The following CENPW variants were observed in gnomAD, a reference collection of about 807,000 sequenced individuals.
CENPW encodes cancer-up-regulated gene 2 protein.
A neutral mutation model predicts 11.1 loss-of-function variants in CENPW; 3 were observed. That is an observed-to-expected ratio of 0.27 (90% CI 0.12 to 0.70). The LOEUF is 0.70. Among genes scored for constraint, CENPW ranks in the 30% least tolerant of loss-of-function variants. CENPW has a pLI of 0.77. For synonymous variants in CENPW, 38 were observed against 42.0 expected (o/e 0.91, Z 0.37); for missense variants, 100 against 105.6 (o/e 0.95, Z 0.23).
At chr6:126,390,599 A>T in the CENPW span, among the ~76,000 whole-genome samples, 1 of 151,586 alleles carries the variant, frequency 6.6e-6, no homozygotes, top group Non-Finnish European at 1.5e-5. Flanking sequence ...AATCATCCCC[A>T]CTTCCCCTAC....
At chr6:126,366,295 T>C in the CENPW span, among the ~76,000 whole-genome samples, 2 of 152,216 alleles carry the variant, frequency 1.3e-5, no homozygotes, top group African/African-American at 4.8e-5. Context: ...ATATATTTTA[T>C]TAGCTTTTTT....
chr6:126,411,666 C>T, the CENPW span, among the ~76,000 whole-genome samples: 2 of 152,014 alleles, frequency 1.3e-5, no homozygotes, highest in African/African-American at 4.8e-5. Context: ...CTCTGGGGTA[C>T]AGGGCACAGC....
the CENPW span, among the ~76,000 whole-genome samples, chr6:126,370,800 T>TGG: frequency 2.1e-4 from 32 of 152,042 alleles, no homozygotes; most frequent in Admixed American, 3.9e-4. Context: ...TCACCCAGGC[T>TGG]GGAGTGCAGT....
At chr6:126,442,070 CAG>C in the CENPW span, among the ~76,000 whole-genome samples, 1 of 151,666 alleles carries the variant, frequency 6.6e-6, no homozygotes, top group Non-Finnish European at 1.5e-5. Flanking sequence ...TTCCCACTAA[CAG>C]TGTAAAAGTG....
At chr6:126,360,942 C>G in the CENPW span, among the ~76,000 whole-genome samples, 4 of 152,106 alleles carry the variant, frequency 2.6e-5, no homozygotes, top group Non-Finnish European at 4.4e-5. Context: ...GGTTATGAAC[C>G]ATTCCTGGGG....
At chr6:126,408,797 T>G in the CENPW span, among the ~76,000 whole-genome samples, 1 of 152,160 alleles carries the variant, frequency 6.6e-6, no homozygotes, top group African/African-American at 2.4e-5. Context: ...AATAATCCTT[T>G]GTATTTCTGT....
the CENPW span, among the ~76,000 whole-genome samples, chr6:126,391,537 C>A: frequency 1.3e-5 from 2 of 151,648 alleles, no homozygotes; most frequent in African/African-American, 4.8e-5. Flanking sequence ...TACTCAAAAG[C>A]CTTTGCCCAT....
the CENPW span, among the ~76,000 whole-genome samples, chr6:126,461,135 T>G: frequency 5.9e-5 from 9 of 151,846 alleles, no homozygotes; most frequent in Non-Finnish European, 1.2e-4. Flanking sequence ...TTCCCATAAT[T>G]ACCACGTGTT....
At chr6:126,445,441 T>C in the CENPW span, among the ~76,000 whole-genome samples, 4 of 151,224 alleles carry the variant, frequency 2.6e-5, no homozygotes, top group Admixed American at 2.6e-4. Context: ...ATCGGTTTAT[T>C]CTTAATCTTA....
the CENPW span, among the ~76,000 whole-genome samples, chr6:126,374,185 T>C: frequency 6.6e-6 from 1 of 152,144 alleles, no homozygotes; most frequent in Admixed American, 6.6e-5. Flanking sequence ...AGAACTCTAA[T>C]AAAAATTTAA....
chr6:126,404,663 C>A, the CENPW span, among the ~76,000 whole-genome samples: 1 of 151,998 alleles, frequency 6.6e-6, no homozygotes, highest in African/African-American at 2.4e-5. Context: ...TGTATCCTCA[C>A]CAAAAGTTTT....
At chr6:126,451,478 G>A in the CENPW span, among the ~76,000 whole-genome samples, 1 of 151,014 alleles carries the variant, frequency 6.6e-6, no homozygotes, top group Non-Finnish European at 1.5e-5. Flanking sequence ...TCCAGCTCGA[G>A]GAAAAGGAAA....
chr6:126,471,320 A>G, the CENPW span, among the ~76,000 whole-genome samples: 27 of 152,220 alleles, frequency 1.8e-4, no homozygotes, highest in South Asian at 5.4e-3. Flanking sequence ...TCCTGCCATC[A>G]TGTGAAGAAG....
chr6:126,409,995 CTT>C, the CENPW span, among the ~76,000 whole-genome samples: 4 of 151,754 alleles, frequency 2.6e-5, no homozygotes, highest in Admixed American at 6.6e-5. Flanking sequence ...TTCTTCCTCT[CTT>C]ATTGTTTTAT....
the CENPW span, among the ~76,000 whole-genome samples, chr6:126,457,925 A>G: frequency 4.0e-5 from 6 of 151,304 alleles, no homozygotes; most frequent in African/African-American, 1.2e-4. Context: ...AGTACCATCC[A>G]ATAATCTAAA....
At chr6:126,464,927 ATGCTT>A in the CENPW span, among the ~76,000 whole-genome samples, 14 of 152,126 alleles carry the variant, frequency 9.2e-5, no homozygotes, top group African/African-American at 3.4e-4. Flanking sequence ...AAAAAACTGA[ATGCTT>A]TCTTTCTAAG....
At chr6:126,372,025 C>T in the CENPW span, among the ~76,000 whole-genome samples, 7 of 151,380 alleles carry the variant, frequency 4.6e-5, no homozygotes, top group Admixed American at 6.6e-5. Flanking sequence ...TTTATCTTTG[C>T]GAGGAACCAG....
At chr6:126,482,902 A>G in the CENPW span, among the ~76,000 whole-genome samples, 1 of 151,960 alleles carries the variant, frequency 6.6e-6, no homozygotes, top group Non-Finnish European at 1.5e-5. Flanking sequence ...TGGGATTTGG[A>G]TAGAGATTAT....
At chr6:126,361,971 T>C in the CENPW span, among the ~76,000 whole-genome samples, 1 of 152,164 alleles carries the variant, frequency 6.6e-6, no homozygotes, top group Non-Finnish European at 1.5e-5. Flanking sequence ...GCTCTGGCTC[T>C]GCTGGGGGAT....
Sources: gnomAD v4.1 joint callset for allele counts (sites outside exome capture counted in the v4.1 genomes callset) on GRCh38, gnomAD v4.1.1 for gene constraint, MANE v1.5 for transcripts, NCBI Gene and HGNC (gene_info 2026-07-23, HGNC 2026-07-21) for gene names.